TERT: variants seen among roughly 807,000 people sequenced by gnomAD.
The protein encoded by TERT is telomerase reverse transcriptase, also known as telomerase catalytic subunit.
Under a neutral mutation model 104.0 loss-of-function variants are expected in TERT, and 42 were observed. That is an observed-to-expected ratio of 0.40 (90% CI 0.32 to 0.52). TERT has a LOEUF of 0.52. TERT is among the 20% of genes least tolerant of loss of function. The probability of loss-of-function intolerance (pLI) is 0.43; values close to 1 mark genes in which losing one functional copy is unlikely to be tolerated. For missense variants in TERT, 1,101 were observed against 1,610.3 expected (o/e 0.68, Z 5.41); for synonymous variants, 781 against 725.6 (o/e 1.08, Z -1.23).
intron 15 of TERT, 135 bp from the exon 16 acceptor site, chr5:1,253,966 G>C (rs971116193): frequency 4.0e-5 from 38 of 960,182 alleles, no homozygotes; most frequent in Middle Eastern, 2.4e-4. Context: ...TCAGTGAAGG[G>C]ACAGACACCC....
Position 1,294,862 on chromosome 5 carries a change from TC to T in TERT, c.127del (p.Asp43ThrfsTer35). The T allele has an allele frequency of 6.9e-7, 1 of 1,456,708 alleles. No homozygotes were observed. Among genetic ancestry groups the T allele is most frequent in the South Asian group, 1.4e-5 (1 of 73,716 alleles). The allele number at this position is 1,456,708 out of a possible 1,614,324, so 90.2% of individuals were successfully genotyped here. ...PQGWRLVQRG[D>X]PAAFRALVAQ... ...CACCAGCGCGCGGAAAGCCGCCGGGTCCCCGCGCTGCACCAGCCGCCAGCCC... is the reference window on the plus strand; with the variant it reads ...CACCAGCGCGCGGAAAGCCGCCGGGTCCCGCGCTGCACCAGCCGCCAGCCC... On this transcript the variant is annotated frameshift_variant, in exon 1 of 16. Transcript: ENST00000310581. LOFTEE classifies it high-confidence loss of function.
intron 9 of TERT, among the ~76,000 whole-genome samples, chr5:1,267,532 C>T (rs1198883276): frequency 6.6e-6 from 1 of 152,228 alleles, no homozygotes; most frequent in Non-Finnish European, 1.5e-5. Context: ...GACACATGCA[C>T]ACGTATGTTT....
Position 1,293,861 on chromosome 5 carries a change from C to T in TERT, c.1025G>A (p.Arg342Gln), listed in dbSNP as rs773366454. 6.5e-6 allele frequency: 10 copies of T among 1,546,002 alleles called. No individual in the cohort carries two copies. In the African/African-American group the frequency reaches 1.4e-4, roughly 21 times the overall value. The stretch of plus-strand genomic sequence containing the variant: ...CAGAGAGCTGAGTAGGAAGGAGGGC[C>T]GCAGCTGCTCCTTGTCGCCTGAGGA... Reference protein sequence around the residue: ...LYSSGDKEQLRPSFLLSSLRP... With the variant: ...LYSSGDKEQLQPSFLLSSLRP... Residue 342 changes from arginine to glutamine, a missense_variant, in exon 2 of 16, where the codon CGG becomes CAG. Around this residue, in one of 5 missense-constraint regions of TERT, gnomAD observed 504 missense variants for 544.6 expected, o/e 0.93. Coordinates refer to ENST00000310581, the MANE Select transcript of TERT (RefSeq NM_198253.3).
In TERT at chr5:1,268,483, C is replaced by G. The variant is rs1289708851; in HGVS notation, c.2582+37G>C. On this transcript the variant is annotated intron_variant, in intron 9 of 15. Coordinates refer to ENST00000310581, the MANE Select transcript of TERT (RefSeq NM_198253.3). This position sits in a 1 kb window ranked among gnomAD's most constrained non-coding sequence, Gnocchi z 5.5. ...CTGAATGCATCAAAAGCAAATCAAC[C>G]CCCACCCAAGCCCCCCTGGGGAAGA... is the stretch of plus-strand genomic sequence containing the variant. 1 of 1,547,760 alleles carries G rather than the reference C, an allele frequency of 6.5e-7. No individual in the cohort carries two copies. The highest frequency in any genetic ancestry group is 2.3e-5 in the East Asian group (1 of 44,110).
In TERT at chr5:1,293,514, G is replaced by T. The variant is rs1579596485; in HGVS notation, c.1372C>A (p.Pro458Thr). The T allele has an allele frequency of 6.4e-7, 1 of 1,571,510 alleles. No individual in the cohort carries two copies. ...LVQLLRQHSS[P>T]WQVYGFVRAC... ...CGCACGAAGCCGTACACCTGCCAGG[G>T]GCTGCTGTGCTGGCGGAGCAGCTGC... Residue 458 changes from proline to threonine, a missense_variant, in exon 2 of 16, where the codon CCC becomes ACC. This residue lies in a region of TERT where 504 missense variants were observed against 544.6 expected (regional missense o/e 0.93). Coordinates refer to ENST00000310581, the MANE Select transcript of TERT (RefSeq NM_198253.3).
rs1004474269 is a variant in TERT at position 1,286,997 on chromosome 5, A to T, written c.1574-4373T>A. 6.6e-6 allele frequency among the ~76,000 whole-genome samples: 1 copy of T among 152,196 alleles called. No homozygotes were observed. Among genetic ancestry groups the T allele is most frequent in the Non-Finnish European group, 1.5e-5 (1 of 68,032 alleles). ...AGGATCAACACACACTCGGCAGGAA[A>T]CGCACATGGCAACCCAAGAGGTGGT... On this transcript the variant is annotated intron_variant, in intron 2 of 15. Transcript: ENST00000310581. The surrounding 1 kb of genome is among the most constrained non-coding windows in gnomAD (Gnocchi z 5.3).
Position 1,271,218 on chromosome 5 carries a change from C to T in TERT, c.2383-14G>A, listed in dbSNP as rs1355213706. On this transcript the variant is annotated splice_polypyrimidine_tract_variant and intron_variant, in intron 7 of 15. Transcript: ENST00000310581. ...CAGGGAGGAGCTCTGCGAAAGCAGA[C>T]GGGAGACACATGGGAGTGAGCCGGT... 2.6e-5 allele frequency: 42 copies of T among 1,602,956 alleles called. No homozygotes were observed. The highest frequency in any genetic ancestry group is 2.4e-4 in the South Asian group (22 of 90,428).
At chr5:1,254,233 G>C (rs1482545937) in intron 15 of TERT, 135 bp downstream of exon 15, 1 of 1,199,088 alleles carries the variant, frequency 8.3e-7, no homozygotes, top group Non-Finnish European at 1.2e-6. Context: ...GGCTGCCAGC[G>C]TGGCTCCAGG....
intron 11 of TERT, 38 bp downstream of exon 11, chr5:1,264,365 AG>A: frequency 6.3e-7 from 1 of 1,581,788 alleles, no homozygotes; most frequent in South Asian, 1.1e-5. Flanking sequence ...CACCTGCCCC[AG>A]CCGGGCACAG....
At chr5:1,254,235 G>C in intron 15 of TERT, 133 bp downstream of exon 15, 2 of 1,225,528 alleles carry the variant, frequency 1.6e-6, no homozygotes, top group Non-Finnish European at 1.2e-6. Flanking sequence ...CTGCCAGCGT[G>C]GCTCCAGGCC....
chr5:1,272,381 C>T (rs1749112637), intron 6 of TERT, 101 bp from the exon 7 acceptor site: 1 of 1,083,448 alleles, frequency 9.2e-7, no homozygotes. Context: ...TGCGGCCAAG[C>T]CCGATGGCGG....
chr5:1,266,691 C>G (rs191310363), intron 9 of TERT, among the ~76,000 whole-genome samples, 156 bp from the exon 10 acceptor site: 7 of 152,322 alleles, frequency 4.6e-5, no homozygotes, highest in Admixed American at 3.9e-4. Context: ...TTCCAACAGA[C>G]GAGCTCTCTA....
rs1474106264 is a variant in TERT at position 1,294,053 on chromosome 5, G to A, written c.833C>T (p.Pro278Leu). 6 of 1,590,960 alleles carry A rather than the reference G, an allele frequency of 3.8e-6. No homozygotes were observed. Among genetic ancestry groups the A allele is most frequent in the Non-Finnish European group, 3.4e-6 (4 of 1,170,984 alleles). ...CTCCAAAGAGGTGGCTTCTTCGGCG[G>A]GTCTGGCAGGTGACACCACACAGAA... ...RGFCVVSPAR[P>L]AEEATSLEGA... The change falls in exon 2 of 16, where the codon CCC becomes CTC. Residue 278 changes from proline to leucine, a missense_variant. By Grantham distance (98) the Pro-to-Leu change is moderately conservative. This residue lies in a region of TERT where 504 missense variants were observed against 544.6 expected (regional missense o/e 0.93). Transcript: ENST00000310581.
At chr5:1,279,630 C>T (rs564514817) in intron 4 of TERT, among the ~76,000 whole-genome samples, 160 bp from the exon 5 acceptor site, 12 of 152,320 alleles carry the variant, frequency 7.9e-5, no homozygotes, top group Middle Eastern at 3.4e-3. Context: ...CTGTTTGAAA[C>T]GGGTTCCTGG....
chr5:1,282,974 G>A (rs1750148850), intron 2 of TERT: 2 of 397,642 alleles, frequency 5.0e-6, no homozygotes, highest in Admixed American at 3.7e-5. Flanking sequence ...CCACCGCAGG[G>A]CCTGGCGACC....
Position 1,253,393 on chromosome 5 carries a change from C to G in TERT, c.*335G>C. On this transcript the variant is annotated 3_prime_UTR_variant, in exon 16 of 16. Coordinates refer to ENST00000310581, the MANE Select transcript of TERT (RefSeq NM_198253.3). ...GGGCAGGGCGAGGGGTGAACAATGG[C>G]GAATCTGGGGATGGACTATTCCTAT... The G allele has an allele frequency of 4.2e-6, 2 of 474,500 alleles. No individual in the cohort carries two copies. Among genetic ancestry groups the G allele is most frequent in the Non-Finnish European group, 7.8e-6 (2 of 257,878 alleles). The allele number at this position is 474,500 out of a possible 1,614,324, so 29.4% of individuals were successfully genotyped here. A position where few individuals can be genotyped will look rare whatever the true frequency, so the allele number is the denominator to read the frequency against.
intron 9 of TERT, among the ~76,000 whole-genome samples, chr5:1,267,311 G>C (rs1748680339): frequency 6.6e-6 from 1 of 152,156 alleles, no homozygotes; most frequent in South Asian, 2.1e-4. Context: ...TGCTTGTTCA[G>C]TGATACTATT....
Position 1,255,401 on chromosome 5 carries a change from A to G in TERT, c.3043T>C (p.Cys1015Arg), listed in dbSNP as rs199422307. The change falls in exon 14 of 16, where the codon TGT becomes CGT. Residue 1015 changes from cysteine to arginine, a missense_variant. By Grantham distance (180) the Cys-to-Arg change is radical (BLOSUM62 -3). Coordinates refer to ENST00000310581, the MANE Select transcript of TERT (RefSeq NM_198253.3). The surrounding 1 kb of genome is among the most constrained non-coding windows in gnomAD (Gnocchi z 6.9). Reference protein sequence around the residue: ...LLLQAYRFHACVLQLPFHQQV... With the variant: ...LLLQAYRFHARVLQLPFHQQV... ...TGATGAAATGGGAGCTGCAGCACAC[A>G]TGCGTGAAACCTGAGAGGATGGCGG... 1 of 1,614,202 alleles carries G rather than the reference A, an allele frequency of 6.2e-7. No homozygotes were observed. Among genetic ancestry groups the G allele is most frequent in the South Asian group, 1.1e-5 (1 of 91,086 alleles).
intron 2 of TERT, among the ~76,000 whole-genome samples, chr5:1,289,616 G>C (rs1180329181): frequency 9.3e-6 from 1 of 107,098 alleles, no homozygotes. Flanking sequence ...CACGTGACAG[G>C]GACACGCGGG....
Sources: allele counts gnomAD v4.1 joint callset (sites outside exome capture counted in the v4.1 genomes callset), GRCh38; gene constraint gnomAD v4.1.1; regional missense constraint gnomAD v4.1.1; non-coding constraint Gnocchi (gnomAD v3.1); transcripts MANE v1.5; gene names NCBI Gene and HGNC (gene_info 2026-07-23, HGNC 2026-07-21).